Variants in MSRA observed in about 807,000 individuals in gnomAD.
The protein encoded by MSRA is methionine sulfoxide reductase A, also known as mitochondrial peptide methionine sulfoxide reductase.
Under a neutral mutation model 31.3 loss-of-function variants are expected in MSRA, and 54 were observed. The ratio of observed to expected loss-of-function variants is 1.73; its 90% confidence interval spans 1.39 to 2.17. MSRA has a LOEUF of 2.17. MSRA is among the 30% of genes most tolerant of loss of function. The probability of loss-of-function intolerance (pLI) is 0.00; values close to 1 mark genes in which losing one functional copy is unlikely to be tolerated. For synonymous variants in MSRA, 169 were observed against 116.5 expected, an observed-to-expected ratio of 1.45 and a Z score of -2.90; for missense variants, 507 against 300.9, an observed-to-expected ratio of 1.69 and a Z score of -5.07.
intron 1 of MSRA, among the ~76,000 whole-genome samples, chr8:10,140,281 A>G (rs551169061): frequency 1.3e-5 from 2 of 152,280 alleles, no homozygotes; most frequent in South Asian, 4.1e-4. Context: ...ACCAATGAGA[A>G]TCTTATGACC....
chr8:10,089,138 C>CCACACA (rs10566550), intron 1 of MSRA, among the ~76,000 whole-genome samples: 174 of 150,106 alleles, frequency 1.2e-3, no homozygotes, highest in African/African-American at 4.1e-3. Context: ...TGCTTTTGTC[C>CCACACA]CACACACACA....
At chr8:10,424,958 G>C (rs950250259) in intron 5 of MSRA, among the ~76,000 whole-genome samples, 1 of 152,254 alleles carries the variant, frequency 6.6e-6, no homozygotes, top group Non-Finnish European at 1.5e-5. Context: ...ATCAAGACGT[G>C]AATCTGAACA....
chr8:10,128,534 C>T (rs1801663280), intron 1 of MSRA, among the ~76,000 whole-genome samples: 1 of 152,138 alleles, frequency 6.6e-6, no homozygotes, highest in Non-Finnish European at 1.5e-5. Context: ...TATCATTCTC[C>T]TGGGGCATCA....
At chr8:10,340,153 C>T (rs1192603143) in intron 5 of MSRA, among the ~76,000 whole-genome samples, 1 of 152,126 alleles carries the variant, frequency 6.6e-6, no homozygotes, top group African/African-American at 2.4e-5. Context: ...GAGCCACAGC[C>T]GCCCATTCCC....
At chr8:10,421,851 T>G (rs1808833024) in intron 5 of MSRA, among the ~76,000 whole-genome samples, 1 of 152,146 alleles carries the variant, frequency 6.6e-6, no homozygotes, top group Admixed American at 6.5e-5. Flanking sequence ...AGAGATCTGC[T>G]GCTCAGCCAT....
intron 5 of MSRA, among the ~76,000 whole-genome samples, chr8:10,330,204 T>TACACACAC (rs149601196): frequency 1.2e-4 from 13 of 107,898 alleles, no homozygotes; most frequent in South Asian, 3.5e-4. Flanking sequence ...TTAAATGTGA[T>TACACACAC]ATACACACAC....
intron 1 of MSRA, among the ~76,000 whole-genome samples, chr8:10,206,205 G>A (rs1487148398): frequency 6.6e-6 from 1 of 152,170 alleles, no homozygotes; most frequent in African/African-American, 2.4e-5. Flanking sequence ...CCACACGGAA[G>A]CTCAGCATGT....
chr8:10,295,543 C>T (rs771626527), intron 3 of MSRA, among the ~76,000 whole-genome samples: 2 of 152,212 alleles, frequency 1.3e-5, no homozygotes, highest in African/African-American at 2.4e-5. Context: ...TTGGTTCTGA[C>T]GGCTCTGCTC....
At chr8:10,324,962 G>A (rs1563352432) in intron 5 of MSRA, among the ~76,000 whole-genome samples, 1 of 152,200 alleles carries the variant, frequency 6.6e-6, no homozygotes, top group Non-Finnish European at 1.5e-5. Context: ...AGAGACAAGA[G>A]GCACATGGCG....
intron 1 of MSRA, among the ~76,000 whole-genome samples, chr8:10,120,578 G>A (rs1379242793): frequency 5.3e-5 from 8 of 152,146 alleles, no homozygotes; most frequent in African/African-American, 1.4e-4. Context: ...AATTACATTC[G>A]GATATTTGCT....
chr8:10,336,699 A>T (rs1010271148), intron 5 of MSRA: 32 of 152,210 alleles, frequency 2.1e-4, no homozygotes, highest in African/African-American at 7.2e-4. Flanking sequence ...CTTACATGAT[A>T]AATTACAAGT....
intron 3 of MSRA, among the ~76,000 whole-genome samples, chr8:10,258,797 C>A (rs2952199): frequency 6.6e-6 from 1 of 152,186 alleles, no homozygotes; most frequent in East Asian, 1.9e-4. Context: ...TGCCAGTTAT[C>A]TAAGACCTTT....
chr8:10,251,389 T>G (rs542812870), intron 3 of MSRA, among the ~76,000 whole-genome samples: 67 of 152,296 alleles, frequency 4.4e-4, no homozygotes, highest in African/African-American at 1.5e-3. Flanking sequence ...TAAATCTCTT[T>G]TTAGTGCATA....
intron 3 of MSRA, among the ~76,000 whole-genome samples, chr8:10,288,936 A>C (rs990338126): frequency 4.0e-5 from 6 of 151,574 alleles, no homozygotes; most frequent in African/African-American, 9.7e-5. Context: ...TGGTGCAAGC[A>C]GCCACGGTGT....
At chr8:10,227,129 G>T (rs1217269926) in intron 2 of MSRA, among the ~76,000 whole-genome samples, 6 of 152,220 alleles carry the variant, frequency 3.9e-5, no homozygotes, top group African/African-American at 1.2e-4. Context: ...AGAGCAGATA[G>T]TGAGTAGATC....
In MSRA at chr8:10,197,358, T is replaced by C. The variant is rs74996427; in HGVS notation, c.143-10475T>C. 8.5e-5 allele frequency among the ~76,000 whole-genome samples: 13 copies of C among 152,302 alleles called. No individual in the cohort carries two copies. In the East Asian group the frequency reaches 2.5e-3, roughly 29 times the overall value. The stretch of plus-strand genomic sequence containing the variant: ...CTTCTAAAAATGGAATTAATGATGA[T>C]GGAGTGCTTGTGTTGGGAACTCAGG... On this transcript the variant is annotated intron_variant, in intron 1 of 5. Transcript: ENST00000317173.
intron 5 of MSRA, among the ~76,000 whole-genome samples, chr8:10,350,748 G>T (rs760218131): frequency 6.6e-6 from 1 of 152,170 alleles, no homozygotes; most frequent in African/African-American, 2.4e-5. Flanking sequence ...GTGGCAGCAC[G>T]GAGCAGACCG....
chr8:10,067,558 G>C (rs1797521659), intron 1 of MSRA, among the ~76,000 whole-genome samples: 2 of 152,198 alleles, frequency 1.3e-5, no homozygotes, highest in Admixed American at 1.3e-4. Flanking sequence ...CCAAAAGTGT[G>C]ATTTCTGGGT....
intron 1 of MSRA, among the ~76,000 whole-genome samples, chr8:10,117,339 C>A (rs1209296110): frequency 2.0e-5 from 3 of 152,080 alleles, no homozygotes; most frequent in Admixed American, 6.6e-5. Flanking sequence ...CTAGAAGGGG[C>A]AACAAACACA....
Sources: allele counts gnomAD v4.1 joint callset (sites outside exome capture counted in the v4.1 genomes callset), GRCh38; gene constraint gnomAD v4.1.1; transcripts MANE v1.5; gene names NCBI Gene and HGNC (gene_info 2026-07-23, HGNC 2026-07-21).